CANX: variants seen among roughly 807,000 people sequenced by gnomAD.
The protein encoded by CANX is calnexin.
A neutral mutation model predicts 75.7 loss-of-function variants in CANX; 14 were observed. The ratio of observed to expected loss-of-function variants is 0.19; its 90% CI spans 0.12 to 0.29. CANX has a LOEUF of 0.29. Among genes scored for constraint, CANX ranks in the 10% least tolerant of loss-of-function variants. The probability of loss-of-function intolerance (pLI) is 1.00; values close to 1 mark genes in which losing one functional copy is unlikely to be tolerated. For synonymous variants in CANX, 227 were observed against 236.9 expected (o/e 0.96, Z 0.38); for missense variants, 567 against 713.2 (o/e 0.79, Z 2.34).
upstream of CANX, among the ~76,000 whole-genome samples, chr5:179,695,100 A>C (rs1303739718): frequency 6.6e-6 from 1 of 152,042 alleles, no homozygotes; most frequent in Non-Finnish European, 1.5e-5. Context: ...CCCAGGCTGG[A>C]GTGCAGTGGC....
In CANX at chr5:179,724,634, T is replaced by C. The variant is rs373870710; in HGVS notation, c.1519-23T>C. 1.2e-5 allele frequency: 19 copies of C among 1,607,092 alleles called. No homozygotes were observed. In the African/African-American group the frequency reaches 2.4e-4, roughly 20 times the overall value. On this transcript the variant is annotated intron_variant, in intron 12 of 14. Transcript: ENST00000247461. The stretch of plus-strand genomic sequence containing the variant: ...ATAATACATGAACATGTAAACAAAA[T>C]TGTACTTTGGGGAACATTTCAGAAA...
At chr5:179,700,551 A>C (rs1295899578) in intron 1 of CANX, 2 of 152,598 alleles carry the variant, frequency 1.3e-5, no homozygotes, top group Non-Finnish European at 2.9e-5. Flanking sequence ...GATCATGAGA[A>C]TGCTCGAGTG....
At chr5:179,686,153 A>G (rs956404721) in intron 1 of CANX, among the ~76,000 whole-genome samples, 3 of 138,354 alleles carry the variant, frequency 2.2e-5, no homozygotes, top group African/African-American at 8.1e-5. Flanking sequence ...GCTGGAGTGC[A>G]ATGGCTCAAT....
At chr5:179,709,378 C>T (rs539660778) in intron 6 of CANX, among the ~76,000 whole-genome samples, 4 of 151,274 alleles carry the variant, frequency 2.6e-5, no homozygotes, top group Non-Finnish European at 5.9e-5. Context: ...TGCGCCACTG[C>T]ACTCCAGCCT....
At chr5:179,709,746 A>T (rs1777398345) in intron 6 of CANX, 127 bp from the exon 7 acceptor site, 1 of 585,782 alleles carries the variant, frequency 1.7e-6, no homozygotes, top group Non-Finnish European at 2.9e-6. Flanking sequence ...ACTTGTAGTT[A>T]GCTTTTCCTT....
chr5:179,680,261 A>T (rs980057587), intron 1 of CANX, among the ~76,000 whole-genome samples: 1 of 152,130 alleles, frequency 6.6e-6, no homozygotes, highest in African/African-American at 2.4e-5. Flanking sequence ...TTTTGTGGGT[A>T]AGAGGGAACT....
intron 1 of CANX, among the ~76,000 whole-genome samples, chr5:179,684,222 C>A (rs1338656636): frequency 3.3e-5 from 5 of 152,022 alleles, no homozygotes; most frequent in African/African-American, 1.2e-4. Context: ...GGTAAACCTT[C>A]ATTTTTAAAA....
upstream of CANX, chr5:179,694,640 C>T: frequency 7.2e-6 from 6 of 831,854 alleles, no homozygotes; most frequent in Admixed American, 1.8e-5. Context: ...AGGAGAAGTA[C>T]GAGAAGGATG....
At chr5:179,728,564 T>A (rs1581910120) in intron 14 of CANX, 27 bp from the exon 15 acceptor site, 1 of 1,365,280 alleles carries the variant, frequency 7.3e-7, no homozygotes, top group East Asian at 2.3e-5. Flanking sequence ...ATGTGCTAAT[T>A]ATAATGAATT....
chr5:179,702,501 T>C (rs763194024), intron 1 of CANX, among the ~76,000 whole-genome samples: 1 of 149,862 alleles, frequency 6.7e-6, no homozygotes, highest in Non-Finnish European at 1.5e-5. Flanking sequence ...AGTTCATCCA[T>C]GTTATAGCCG....
intron 11 of CANX, 66 bp from the exon 12 acceptor site, chr5:179,723,594 A>G: frequency 6.4e-7 from 1 of 1,573,646 alleles, no homozygotes; most frequent in South Asian, 1.2e-5. Context: ...AACTGCAGAA[A>G]AACAGCACGG....
chr5:179,726,360 A>C (rs1486999957), intron 13 of CANX, among the ~76,000 whole-genome samples: 3 of 152,048 alleles, frequency 2.0e-5, no homozygotes, highest in African/African-American at 7.2e-5. Context: ...GGAGATCATG[A>C]GGTCAGGAGA....
chr5:179,698,802 TA>T, upstream of CANX: 1 of 678,786 alleles, frequency 1.5e-6, no homozygotes, highest in Non-Finnish European at 2.2e-6. Flanking sequence ...CCACGAAGAA[TA>T]GCCGTAGGGG....
intron 1 of CANX, among the ~76,000 whole-genome samples, chr5:179,685,044 C>G (rs996634597): frequency 7.0e-6 from 1 of 143,722 alleles, no homozygotes; most frequent in African/African-American, 2.6e-5. Flanking sequence ...TCCCAAAGTG[C>G]TGGGATTACA....
At chr5:179,710,720 A>AAAAAAAAC (rs1233295531) in intron 7 of CANX, among the ~76,000 whole-genome samples, 1 of 142,792 alleles carries the variant, frequency 7.0e-6, no homozygotes, top group African/African-American at 2.5e-5. Flanking sequence ...AAAAAAAAAA[A>AAAAAAAAC]AAAGATTGTA....
At chr5:179,712,099 C>A (rs980651960) in intron 7 of CANX, among the ~76,000 whole-genome samples, 2 of 104,764 alleles carry the variant, frequency 1.9e-5, no homozygotes, top group Admixed American at 1.2e-4. Context: ...CTCCGTCCCC[C>A]ACTCCAAAAA....
intron 1 of CANX, among the ~76,000 whole-genome samples, chr5:179,682,252 CA>C (rs57777599): frequency 0.012 from 1,600 of 129,238 alleles, 34 homozygotes; most frequent in African/African-American, 0.042. Context: ...AACTCCATCT[CA>C]AAAAAAAAAA....
intron 1 of CANX, among the ~76,000 whole-genome samples, chr5:179,693,159 A>AG (rs1215285418): frequency 1.3e-5 from 2 of 151,520 alleles, no homozygotes; most frequent in African/African-American, 4.8e-5. Flanking sequence ...AAAAAAAAAA[A>AG]AAAAGACAAA....
chr5:179,700,026 C>T (rs1204038366), intron 1 of CANX, among the ~76,000 whole-genome samples: 1 of 152,194 alleles, frequency 6.6e-6, no homozygotes, highest in Non-Finnish European at 1.5e-5. Flanking sequence ...GGAAGTCCGA[C>T]ATTTAGTAAC....
Sources: allele counts gnomAD v4.1 joint callset (sites outside exome capture counted in the v4.1 genomes callset), GRCh38; gene constraint gnomAD v4.1.1; transcripts MANE v1.5; gene names NCBI Gene and HGNC (gene_info 2026-07-23, HGNC 2026-07-21).